Variants in MATN2 observed in about 807,000 individuals in gnomAD.
The protein encoded by MATN2 is matrilin-2.
A neutral mutation model predicts 103.2 loss-of-function variants in MATN2; 69 were observed. The ratio of observed to expected loss-of-function variants is 0.67; its 90% CI spans 0.55 to 0.82. The LOEUF (loss-of-function observed/expected upper bound fraction) is 0.82, where lower values mean the gene tolerates loss of function less well. MATN2 is among the 40% of genes least tolerant of loss of function. MATN2 has a pLI of 0.00. For missense variants in MATN2, 1,023 were observed against 1,211.5 expected, an observed-to-expected ratio of 0.84 and a Z score of 2.31; for synonymous variants, 429 against 450.2, an observed-to-expected ratio of 0.95 and a Z score of 0.60.
In MATN2 at chr8:97,945,478, G is replaced by A. The variant is rs567629091; in HGVS notation, c.835+3579G>A. ...GACCCTAGAGGACCCCGACATGGCA[G>A]CAGGACAACCCTTCAATCAGAAAAC... On this transcript the variant is annotated intron_variant, in intron 4 of 18. Transcript: ENST00000254898. Among the ~76,000 whole-genome samples, 76 of 152,110 alleles carry A rather than the reference G, an allele frequency of 5.0e-4. 1 individual carries two copies. The highest frequency in any genetic ancestry group is 1.7e-3 in the African/African-American group (70 of 41,514).
intron 4 of MATN2, among the ~76,000 whole-genome samples, chr8:97,950,111 C>T (rs897790386): frequency 3.9e-5 from 6 of 151,950 alleles, no homozygotes; most frequent in East Asian, 1.9e-4. Flanking sequence ...TTGATAAGCC[C>T]GATTTATCAA....
In MATN2 at chr8:98,007,380, C is replaced by A; in HGVS notation, c.1451-99C>A. On this transcript the variant is annotated intron_variant, in intron 9 of 18. Transcript: ENST00000254898. This position sits in a 1 kb window ranked among gnomAD's most constrained non-coding sequence, Gnocchi z 4.2. ...GAGGATGTCCACTGGGACTGCATGCCTTCGAGGGAGGGCGGGGTGAGCATG... is the reference window on the plus strand; with the variant it reads ...GAGGATGTCCACTGGGACTGCATGCATTCGAGGGAGGGCGGGGTGAGCATG... 6.4e-7 allele frequency: 1 copy of A among 1,558,934 alleles called. No individual in the cohort carries two copies. Among genetic ancestry groups the A allele is most frequent in the South Asian group, 1.2e-5 (1 of 84,066 alleles).
intron 4 of MATN2, among the ~76,000 whole-genome samples, chr8:97,949,766 A>G (rs1810882784): frequency 6.6e-6 from 1 of 152,246 alleles, no homozygotes. Context: ...GTTGATTAAC[A>G]GATGAATGGG....
chr8:97,989,323 G>T (rs1812310862), intron 6 of MATN2, among the ~76,000 whole-genome samples: 1 of 152,130 alleles, frequency 6.6e-6, no homozygotes, highest in Non-Finnish European at 1.5e-5. Context: ...GAAGAAATTA[G>T]CTGGGCATGG....
At chr8:97,915,238 T>G (rs1003920800) in intron 2 of MATN2, among the ~76,000 whole-genome samples, 1 of 152,144 alleles carries the variant, frequency 6.6e-6, no homozygotes. Flanking sequence ...GCAGTCCTCC[T>G]GCCTTAGCCA....
At chr8:97,946,293 C>T (rs1054091317) in intron 4 of MATN2, among the ~76,000 whole-genome samples, 2 of 152,186 alleles carry the variant, frequency 1.3e-5, no homozygotes, top group Non-Finnish European at 2.9e-5. Context: ...ACTTCTTGGC[C>T]TTTTGGCTAA....
At position 98,018,020 on chromosome 8, in the gene MATN2, C is replaced by T. The variant is rs1813425480; in HGVS notation, c.1723C>T (p.His575Tyr). Residue 575 changes from histidine (H) to tyrosine (Y), a missense_variant, in exon 12 of 19, where the codon CAT becomes TAT. His to Tyr is a moderately conservative substitution (Grantham distance 83, BLOSUM62 2). Coordinates refer to ENST00000254898, the MANE Select transcript of MATN2 (RefSeq NM_002380.5). ...GAAAGATGTCTGCCAAGCTATAGACCATGGCTGTGAACACATTTGTGTGAA... is the reference window on the plus strand; with the variant it reads ...GAAAGATGTCTGCCAAGCTATAGACTATGGCTGTGAACACATTTGTGTGAA... Reference protein sequence around the residue: ...RRKDVCQAIDHGCEHICVNSD... With the variant: ...RRKDVCQAIDYGCEHICVNSD... The T allele has an allele frequency of 6.2e-7, 1 of 1,613,724 alleles. No individual in the cohort carries two copies. Among genetic ancestry groups the T allele is most frequent in the Non-Finnish European group, 8.5e-7 (1 of 1,179,726 alleles).
chr8:97,908,640 C>CT (rs201661287), intron 2 of MATN2, among the ~76,000 whole-genome samples: 4 of 151,490 alleles, frequency 2.6e-5, no homozygotes, highest in Admixed American at 1.3e-4. Context: ...CTCTTTCAAC[C>CT]TTTTTTTTTG....
At chr8:97,874,328 C>T (rs1013254598) in intron 1 of MATN2, among the ~76,000 whole-genome samples, 1 of 152,150 alleles carries the variant, frequency 6.6e-6, no homozygotes, top group Admixed American at 6.5e-5. Context: ...ATCTTCAAAG[C>T]CAGCAATGTC....
chr8:97,932,674 GTTCC>G lies in MATN2; in HGVS notation c.712+1158_712+1161del, dbSNP rs367655440. Among the ~76,000 whole-genome samples the G allele has an allele frequency of 9.3e-3, 1,408 of 152,120 alleles. 16 individuals carry two copies. The highest frequency in any genetic ancestry group is 0.032 in the African/African-American group (1,309 of 41,490). On this transcript the variant is annotated intron_variant, in intron 3 of 18. Transcript: ENST00000254898. ...TTCCTGCCTCTGCGGCTGCCTTTTT[GTTCC>G]TTCCTCCTCCGGGAGGGCAGGGGGC... is the stretch of plus-strand genomic sequence containing the variant.
intron 12 of MATN2, among the ~76,000 whole-genome samples, chr8:98,018,489 C>T (rs766282832): frequency 4.6e-5 from 7 of 152,050 alleles, no homozygotes; most frequent in Non-Finnish European, 7.3e-5. Context: ...CTTGGCAGAC[C>T]GTAAAAGTAA....
chr8:97,889,459 C>CTATATATACATATATATATATATATATA (rs1818554908), intron 2 of MATN2, among the ~76,000 whole-genome samples: 1 of 123,366 alleles, frequency 8.1e-6, no homozygotes, highest in Non-Finnish European at 1.7e-5. Context: ...CTCTCTCTGT[C>CTATATATACATATATATATATATATATA]TATATATATA....
Position 97,930,985 on chromosome 8 carries a change from G to A in MATN2, c.175G>A (p.Val59Ile), listed in dbSNP as rs375231141. The A allele has an allele frequency of 4.5e-5, 72 of 1,612,834 alleles. No individual in the cohort carries two copies. The highest frequency in any genetic ancestry group is 5.8e-5 in the Non-Finnish European group (68 of 1,179,230). ...SSCENKRADL[V>I]FIIDSSRSVN... ...CTGTGAGAACAAGCGGGCAGACCTG[G>A]TTTTCATCATTGACAGCTCTCGCAG... Residue 59 changes from valine to isoleucine, a missense_variant, in exon 3 of 19, where the codon GTT becomes ATT. Transcript: ENST00000254898.
chr8:97,892,656 A>G (rs980242128), intron 2 of MATN2, among the ~76,000 whole-genome samples: 4 of 152,206 alleles, frequency 2.6e-5, no homozygotes, highest in Admixed American at 2.6e-4. Context: ...AAACTTGACA[A>G]AGAGTAGTTT....
At chr8:97,918,514 G>A (rs1809707955) in intron 2 of MATN2, among the ~76,000 whole-genome samples, 1 of 152,176 alleles carries the variant, frequency 6.6e-6, no homozygotes, top group Non-Finnish European at 1.5e-5. Context: ...TTACTCATTG[G>A]GCTTACTGTC....
intron 2 of MATN2, among the ~76,000 whole-genome samples, chr8:97,889,180 C>CA (rs1818541600): frequency 6.6e-6 from 1 of 151,952 alleles, no homozygotes; most frequent in African/African-American, 2.4e-5. Flanking sequence ...GAGAACTGCC[C>CA]AGTGACCTGG....
intron 2 of MATN2, among the ~76,000 whole-genome samples, chr8:97,927,102 C>T (rs1262347836): frequency 6.6e-6 from 1 of 151,300 alleles, no homozygotes; most frequent in Admixed American, 6.6e-5. Context: ...TTGTGGTGCA[C>T]TGGTCTTAGT....
In MATN2 at chr8:98,027,981, C is replaced by G. The variant is rs567507057; in HGVS notation, c.2356+152C>G. Among the ~76,000 whole-genome samples the G allele has an allele frequency of 7.9e-5, 12 of 152,258 alleles. No individual in the cohort carries two copies. The South Asian group carries it at 2.5e-3, about 32-fold the overall frequency. ...ATTATACATCTTTACTACCCTGCCA[C>G]CTAGAAGCCTTAACAGGACCCCACA... On this transcript the variant is annotated intron_variant, in intron 14 of 18. Coordinates refer to ENST00000254898, the MANE Select transcript of MATN2 (RefSeq NM_002380.5).
intron 6 of MATN2, among the ~76,000 whole-genome samples, chr8:97,994,162 G>A (rs1812490219): frequency 7.5e-6 from 1 of 133,508 alleles, no homozygotes; most frequent in Admixed American, 8.4e-5. Context: ...AGAAAGAAAA[G>A]AAAAGAGGGA....
Sources: gnomAD v4.1 joint callset for allele counts (sites outside exome capture counted in the v4.1 genomes callset) on GRCh38, gnomAD v4.1.1 for gene constraint, Gnocchi (gnomAD v3.1) non-coding constraint, MANE v1.5 for transcripts, NCBI Gene and HGNC (gene_info 2026-07-23, HGNC 2026-07-21) for gene names.